The following RAB2A variants were observed in gnomAD, a reference collection of about 807,000 sequenced individuals.
RAB2A encodes RAB2A, member RAS oncogene family.
A neutral mutation model predicts 32.5 loss-of-function variants in RAB2A; 7 were observed. The ratio of observed to expected loss-of-function variants is 0.22; its 90% CI spans 0.12 to 0.40. The LOEUF (loss-of-function observed/expected upper bound fraction) is 0.40, where lower values mean the gene tolerates loss of function less well. RAB2A is among the 10% of genes least tolerant of loss of function. The pLI, the probability that RAB2A is intolerant of heterozygous loss-of-function variation, is 1.00. For missense variants in RAB2A, 108 were observed against 260.7 expected, an observed-to-expected ratio of 0.41 and a Z score of 4.03; for synonymous variants, 79 against 85.2, an observed-to-expected ratio of 0.93 and a Z score of 0.40.
intron 1 of RAB2A, among the ~76,000 whole-genome samples, chr8:60,526,064 CT>C (rs1807383325): frequency 1.3e-5 from 1 of 79,658 alleles, no homozygotes; most frequent in Non-Finnish European, 2.6e-5. Flanking sequence ...TATAAGTTTT[CT>C]GTTGCTAGCA....
intron 6 of RAB2A, among the ~76,000 whole-genome samples, chr8:60,616,661 T>C (rs1804453686): frequency 6.6e-6 from 1 of 152,270 alleles, no homozygotes; most frequent in Non-Finnish European, 1.5e-5. Context: ...AAGTGCCTTG[T>C]GAATCTGCAG....
At chr8:60,614,748 C>T (rs1349905372) in intron 6 of RAB2A, among the ~76,000 whole-genome samples, 1 of 152,156 alleles carries the variant, frequency 6.6e-6, no homozygotes, top group Non-Finnish European at 1.5e-5. Context: ...AGATTAACTG[C>T]TGCCAAACAC....
At chr8:60,539,974 A>G (rs1278270630) in intron 1 of RAB2A, among the ~76,000 whole-genome samples, 2 of 151,918 alleles carry the variant, frequency 1.3e-5, no homozygotes, top group Admixed American at 1.3e-4. Context: ...TCCATTAAAC[A>G]TGGTGGACCT....
intron 6 of RAB2A, among the ~76,000 whole-genome samples, chr8:60,593,088 T>A (rs1201448598): frequency 2.0e-5 from 3 of 152,234 alleles, no homozygotes; most frequent in Non-Finnish European, 4.4e-5. Context: ...AAAAATTGAC[T>A]ACAGTAATTC....
chr8:60,620,824 C>A lies in RAB2A; in HGVS notation c.*55C>A. ...GGGCCTACTCACTTATTCTTTCACC[C>A]CCTCTCCTCCTGCTCAGCTGAGACA... On this transcript the variant is annotated 3_prime_UTR_variant, in exon 8 of 8. Coordinates refer to ENST00000262646, the MANE Select transcript of RAB2A (RefSeq NM_002865.3). The A allele has an allele frequency of 1.4e-6, 2 of 1,422,052 alleles. No homozygotes were observed. Among genetic ancestry groups the A allele is most frequent in the Non-Finnish European group, 1.9e-6 (2 of 1,038,772 alleles). The allele number at this position is 1,422,052 out of a possible 1,614,324, so 88.1% of individuals were successfully genotyped here. A position where few individuals can be genotyped will look rare whatever the true frequency, so the allele number is the denominator to read the frequency against.
intron 1 of RAB2A, among the ~76,000 whole-genome samples, chr8:60,557,200 A>C (rs1807952172): frequency 6.6e-6 from 1 of 152,168 alleles, no homozygotes; most frequent in Admixed American, 6.5e-5. Context: ...GTTTCTTTTC[A>C]CTGTCATTTC....
rs989639098 is a variant in RAB2A, at chr8:60,620,839, C to T, written c.*70C>T. 132 of 1,276,734 alleles carry T rather than the reference C, an allele frequency of 1.0e-4. No individual in the cohort carries two copies. Among genetic ancestry groups the T allele is most frequent in the East Asian group, 1.5e-4 (6 of 40,428 alleles). 79.1% of individuals were successfully genotyped at this position (1,276,734 alleles called of 1,614,324 possible). A position where few individuals can be genotyped will look rare whatever the true frequency, so the allele number is the denominator to read the frequency against. On this transcript the variant is annotated 3_prime_UTR_variant, in exon 8 of 8. Coordinates refer to ENST00000262646, the MANE Select transcript of RAB2A (RefSeq NM_002865.3). ...TTCTTTCACCCCCTCTCCTCCTGCT[C>T]AGCTGAGACATGAAACTATTTGAAA...
chr8:60,610,227 C>G (rs889468182), intron 6 of RAB2A, among the ~76,000 whole-genome samples: 4 of 151,862 alleles, frequency 2.6e-5, no homozygotes, highest in Non-Finnish European at 5.9e-5. Context: ...AGACAGATTG[C>G]AGTAACCCAC....
In RAB2A at chr8:60,598,937, C is replaced by CAAAAAAAAA. The variant is rs56406651; in HGVS notation, c.474+6989_474+6997dup. 1.3e-3 allele frequency among the ~76,000 whole-genome samples: 52 copies of CAAAAAAAAA among 40,392 alleles called. 5 individuals carry two copies. The highest frequency in any genetic ancestry group is 2.5e-3 in the East Asian group (3 of 1,182). 26.5% of individuals were successfully genotyped at this position (40,392 alleles called of 152,430 possible). On this transcript the variant is annotated intron_variant, in intron 6 of 7. Transcript: ENST00000262646. ...GGAAGTTCTAGCCAGTGCAGTAAAG[C>CAAAAAAAAA]AAAAAAAAAAAAAAAAAAAAAAAAA...
chr8:60,595,290 T>C (rs931471492), intron 6 of RAB2A, among the ~76,000 whole-genome samples: 1 of 152,224 alleles, frequency 6.6e-6, no homozygotes, highest in African/African-American at 2.4e-5. Flanking sequence ...TGATTATCAG[T>C]GTATTCCACA....
chr8:60,564,202 G>A (rs1808069172), intron 2 of RAB2A, among the ~76,000 whole-genome samples: 1 of 152,070 alleles, frequency 6.6e-6, no homozygotes, highest in Non-Finnish European at 1.5e-5. Context: ...GTTTCACTCA[G>A]AAAATAGAGG....
chr8:60,568,591 C>T (rs1050206959), intron 2 of RAB2A, among the ~76,000 whole-genome samples: 1 of 152,102 alleles, frequency 6.6e-6, no homozygotes, highest in African/African-American at 2.4e-5. Flanking sequence ...ATAACTTGCA[C>T]AGGGTCACAC....
intron 1 of RAB2A, among the ~76,000 whole-genome samples, chr8:60,517,979 C>G (rs551124526): frequency 8.9e-4 from 136 of 152,056 alleles, no homozygotes; most frequent in African/African-American, 3.2e-3. Flanking sequence ...TCGTTCAGTG[C>G]TCTGGGTGTG....
At chr8:60,537,962 G>A (rs1404161901) in intron 1 of RAB2A, among the ~76,000 whole-genome samples, 1 of 152,166 alleles carries the variant, frequency 6.6e-6, no homozygotes, top group Non-Finnish European at 1.5e-5. Flanking sequence ...ACAAGCATGA[G>A]CTACCATGCC....
chr8:60,588,106 A>C, intron 5 of RAB2A, among the ~76,000 whole-genome samples: 1 of 152,146 alleles, frequency 6.6e-6, no homozygotes, highest in South Asian at 2.1e-4. Flanking sequence ...GACTTCTTCT[A>C]TACAAAAATA....
intron 6 of RAB2A, among the ~76,000 whole-genome samples, chr8:60,594,461 A>T (rs1183403313): frequency 6.6e-6 from 1 of 152,284 alleles, no homozygotes; most frequent in African/African-American, 2.4e-5. Context: ...GACAGAGAAA[A>T]TAGCACAGTG....
intron 6 of RAB2A, among the ~76,000 whole-genome samples, chr8:60,611,557 G>A (rs1032723759): frequency 9.2e-5 from 14 of 152,256 alleles, no homozygotes; most frequent in African/African-American, 3.4e-4. Flanking sequence ...GAGATGTAAG[G>A]TATTCATATT....
intron 3 of RAB2A, chr8:60,576,248 G>A: frequency 2.2e-6 from 1 of 456,264 alleles, no homozygotes; most frequent in Middle Eastern, 3.3e-4. Context: ...AGTCAAAGAA[G>A]AAACATACGT....
chr8:60,610,380 G>A (rs1804322534), intron 6 of RAB2A, among the ~76,000 whole-genome samples: 1 of 152,180 alleles, frequency 6.6e-6, no homozygotes, highest in Non-Finnish European at 1.5e-5. Context: ...TTGAAAGTCT[G>A]TAGACTTTAT....
Sources: gnomAD v4.1 joint callset for allele counts (sites outside exome capture counted in the v4.1 genomes callset) on GRCh38, gnomAD v4.1.1 for gene constraint, MANE v1.5 for transcripts, NCBI Gene and HGNC (gene_info 2026-07-23, HGNC 2026-07-21) for gene names.